The following FANCL variants were observed in gnomAD, a reference collection of about 807,000 sequenced individuals.
The protein encoded by FANCL is FA complementation group L.
A neutral mutation model predicts 59.4 loss-of-function variants in FANCL; 69 were observed. The ratio of observed to expected loss-of-function variants is 1.16; its 90% CI spans 0.96 to 1.42. The LOEUF is 1.42. FANCL is among the 40% of genes most tolerant of loss of function. The pLI, the probability that FANCL is intolerant of heterozygous loss-of-function variation, is 0.00. For missense variants in FANCL, 519 were observed against 447.2 expected, an observed-to-expected ratio of 1.16 and a Z score of -1.45; for synonymous variants, 180 against 147.1, an observed-to-expected ratio of 1.22 and a Z score of -1.62.
At chr2:58,165,951 CA>C in intron 7 of FANCL, 77 bp from the exon 8 acceptor site, 32 of 1,458,180 alleles carry the variant, frequency 2.2e-5, no homozygotes, top group Non-Finnish European at 3.0e-5. Flanking sequence ...AAAATACACT[CA>C]ATTTAGAAAT....
At chr2:58,188,665 G>C (rs2105021885) in intron 7 of FANCL, among the ~76,000 whole-genome samples, 1 of 151,652 alleles carries the variant, frequency 6.6e-6, no homozygotes, top group East Asian at 1.9e-4. Flanking sequence ...GTCTCCAACT[G>C]CTGGGCTCAA....
chr2:58,197,433 C>T (rs72948859), intron 7 of FANCL, among the ~76,000 whole-genome samples: 3,001 of 152,018 alleles, frequency 0.02, 114 homozygotes, highest in African/African-American at 0.069. Context: ...TTTCTCTTTG[C>T]CTAAGAATAA....
At position 58,165,946 on chromosome 2, in the gene FANCL, A is replaced by G. The variant is rs1051944906; in HGVS notation, c.541-72T>C. 6 of 1,493,236 alleles carry G rather than the reference A, an allele frequency of 4.0e-6. No homozygotes were observed. The African/African-American group carries it at 6.9e-5, about 17-fold the overall frequency. 92.5% of individuals were successfully genotyped at this position (1,493,236 alleles called of 1,614,324 possible). ...TAGCAGATAATCTTTTACTTAAAAT[A>G]CACTCAATTTAGAAATTTTAAGCTG... On this transcript the variant is annotated intron_variant, in intron 7 of 13. Transcript: ENST00000233741.
At position 58,163,199 on chromosome 2, in the gene FANCL, AAAAC is replaced by A. The variant is rs201749725; in HGVS notation, c.776-129_776-126del. 5.4e-4 allele frequency: 480 copies of A among 882,878 alleles called. 5 individuals carry two copies. The East Asian group carries it at 0.012, about 22-fold the overall frequency. The allele number at this position is 882,878 out of a possible 1,614,324, so 54.7% of individuals were successfully genotyped here. Reference sequence around the variant, plus strand: ...ATCAAAATTATATGTATTATGTTAAAAAACAAAATTATACAGTTCAGAATGCTGA... The same window carrying A: ...ATCAAAATTATATGTATTATGTTAAAAAAATTATACAGTTCAGAATGCTGA... On this transcript the variant is annotated intron_variant, in intron 9 of 13. Transcript: ENST00000233741.
At chr2:58,194,882 C>T (rs1006841403) in intron 7 of FANCL, among the ~76,000 whole-genome samples, 9 of 151,596 alleles carry the variant, frequency 5.9e-5, no homozygotes, top group African/African-American at 2.2e-4. Flanking sequence ...AGGAAAATTA[C>T]CCATTTTTAA....
At chr2:58,216,574 T>C (rs1257632491) in intron 5 of FANCL, among the ~76,000 whole-genome samples, 1 of 152,202 alleles carries the variant, frequency 6.6e-6, no homozygotes, top group Admixed American at 6.5e-5. Flanking sequence ...TTACATTTTT[T>C]GTTACAGAAC....
chr2:58,188,935 T>C (rs1299900616), intron 7 of FANCL, among the ~76,000 whole-genome samples: 4 of 152,120 alleles, frequency 2.6e-5, no homozygotes, highest in Non-Finnish European at 5.9e-5. Flanking sequence ...AAAAAAAGAA[T>C]GAACTATATT....
intron 4 of FANCL, among the ~76,000 whole-genome samples, chr2:58,225,474 C>T (rs1692912182): frequency 1.3e-5 from 2 of 151,914 alleles, no homozygotes; most frequent in Non-Finnish European, 1.5e-5. Flanking sequence ...TAGATACAGG[C>T]AATGATTGTT....
chr2:58,172,967 G>C (rs867912445), intron 7 of FANCL, among the ~76,000 whole-genome samples: 6 of 152,226 alleles, frequency 3.9e-5, no homozygotes, highest in Non-Finnish European at 7.3e-5. Context: ...TGAAAGCCAA[G>C]ACTTGAGAAC....
intron 8 of FANCL, 45 bp downstream of exon 8, chr2:58,165,679 A>C (rs774358564): frequency 6.2e-7 from 1 of 1,611,900 alleles, no homozygotes; most frequent in South Asian, 1.1e-5. Context: ...TCATAATACA[A>C]AATAAAACAC....
chr2:58,192,390 G>A (rs961339474), intron 7 of FANCL, among the ~76,000 whole-genome samples: 3 of 151,692 alleles, frequency 2.0e-5, no homozygotes, highest in African/African-American at 7.3e-5. Context: ...AATACCATTG[G>A]TATTTTAGTA....
chr2:58,204,167 C>T lies in FANCL; in HGVS notation c.434G>A (p.Gly145Asp). Residue 145 changes from glycine (G) to aspartate (D), a missense_variant, in exon 6 of 14, where the codon GGT becomes GAT. Gly to Asp is a moderately conservative substitution (Grantham distance 94). Coordinates refer to ENST00000233741, the MANE Select transcript of FANCL (RefSeq NM_018062.4). ...TIKLKAEDAS[G>D]REHLITLKLK... ...CTTGAGAGTGATTAAATGCTCTCTA[C>T]CAGAAGCATCTTCTGCTTTTAACTT... is the stretch of plus-strand genomic sequence containing the variant. The T allele has an allele frequency of 6.2e-7, 1 of 1,613,264 alleles. No individual in the cohort carries two copies. Among genetic ancestry groups the T allele is most frequent in the East Asian group, 2.2e-5 (1 of 44,860 alleles).
intron 7 of FANCL, among the ~76,000 whole-genome samples, chr2:58,167,007 A>C (rs774047558): frequency 1.4e-4 from 21 of 152,198 alleles, no homozygotes; most frequent in Non-Finnish European, 2.4e-4. Flanking sequence ...AGGTCAAGAG[A>C]TAGAGACCAT....
chr2:58,196,593 C>T (rs1233394690), intron 7 of FANCL, among the ~76,000 whole-genome samples: 1 of 151,758 alleles, frequency 6.6e-6, no homozygotes, highest in African/African-American at 2.4e-5. Flanking sequence ...AGGCACTGAG[C>T]ATGTGGATAT....
intron 5 of FANCL, among the ~76,000 whole-genome samples, chr2:58,214,474 T>TGA (rs1691504503): frequency 6.6e-6 from 1 of 152,152 alleles, no homozygotes; most frequent in Non-Finnish European, 1.5e-5. Context: ...ACCTAAATTC[T>TGA]GACTCTTCCA....
chr2:58,214,344 C>G (rs899055420), intron 5 of FANCL, among the ~76,000 whole-genome samples: 3 of 152,120 alleles, frequency 2.0e-5, no homozygotes, highest in Non-Finnish European at 4.4e-5. Context: ...CTATTTAGCT[C>G]ACAAAACACT....
Position 58,159,283 on chromosome 2 carries a change from A to G in FANCL, c.*482T>C. 7.8e-7 allele frequency: 1 copy of G among 1,284,498 alleles called. No individual in the cohort carries two copies. The allele number at this position is 1,284,498 out of a possible 1,614,324, so 79.6% of individuals were successfully genotyped here. On this transcript the variant is annotated 3_prime_UTR_variant, in exon 14 of 14. Coordinates refer to ENST00000233741, the MANE Select transcript of FANCL (RefSeq NM_018062.4). ...ATTTTATTTAGCATTCTTACACACTACACAAAATAAATACTTGGATAACTC... is the reference window on the plus strand; with the variant it reads ...ATTTTATTTAGCATTCTTACACACTGCACAAAATAAATACTTGGATAACTC...
At chr2:58,190,256 A>G (rs1217093761) in intron 7 of FANCL, among the ~76,000 whole-genome samples, 1 of 152,018 alleles carries the variant, frequency 6.6e-6, no homozygotes. Context: ...CATCATTTAA[A>G]AAATCTGCTA....
intron 7 of FANCL, among the ~76,000 whole-genome samples, chr2:58,188,158 A>C (rs968889273): frequency 2.0e-5 from 3 of 152,140 alleles, no homozygotes; most frequent in Admixed American, 6.6e-5. Flanking sequence ...CATGTGTTGA[A>C]AGACTGTCCT....
Sources: allele counts gnomAD v4.1 joint callset (sites outside exome capture counted in the v4.1 genomes callset), GRCh38; gene constraint gnomAD v4.1.1; transcripts MANE v1.5; gene names NCBI Gene and HGNC (gene_info 2026-07-23, HGNC 2026-07-21).